RUNDC3B: variants seen among roughly 807,000 people sequenced by gnomAD.
RUNDC3B encodes the protein RUN domain containing 3B.
RUNDC3B carries 33 observed loss-of-function variants against 58.4 expected under a neutral mutation model. That is an observed-to-expected ratio of 0.56 (90% CI 0.43 to 0.75). RUNDC3B has a LOEUF of 0.75. RUNDC3B is among the 30% of genes least tolerant of loss of function. The probability of loss-of-function intolerance (pLI) is 0.00; values close to 1 mark genes in which losing one functional copy is unlikely to be tolerated. For synonymous variants in RUNDC3B, 193 were observed against 195.2 expected, an observed-to-expected ratio of 0.99 and a Z score of 0.10; for missense variants, 501 against 535.7, an observed-to-expected ratio of 0.94 and a Z score of 0.64.
At chr7:87,827,359 C>T (rs1204595798) in intron 10 of RUNDC3B, among the ~76,000 whole-genome samples, 3 of 151,792 alleles carry the variant, frequency 2.0e-5, no homozygotes, top group African/African-American at 2.4e-5. Context: ...CGGTGGTGGG[C>T]CCCTGTAATC....
chr7:87,657,892 GC>G (rs966940172), intron 2 of RUNDC3B, among the ~76,000 whole-genome samples: 1 of 152,032 alleles, frequency 6.6e-6, no homozygotes, highest in African/African-American at 2.4e-5. Context: ...ATGAAGCAAT[GC>G]CCCCCTCCCA....
At chr7:87,780,693 G>T (rs1012684525) in intron 8 of RUNDC3B, among the ~76,000 whole-genome samples, 1 of 151,946 alleles carries the variant, frequency 6.6e-6, no homozygotes, top group Non-Finnish European at 1.5e-5. Flanking sequence ...ACATTATTCT[G>T]CATATGGCTA....
intron 8 of RUNDC3B, among the ~76,000 whole-genome samples, chr7:87,800,567 A>G (rs1226132590): frequency 6.6e-6 from 1 of 151,996 alleles, no homozygotes; most frequent in Admixed American, 6.6e-5. Context: ...AGGAACCACC[A>G]TGCAGTTTTC....
intron 4 of RUNDC3B, among the ~76,000 whole-genome samples, chr7:87,728,784 A>G (rs775178716): frequency 1.1e-4 from 17 of 152,164 alleles, no homozygotes; most frequent in South Asian, 2.1e-4. Context: ...GCTACCTACT[A>G]CATCTTTTCT....
chr7:87,804,262 A>G (rs1488477467), intron 8 of RUNDC3B, among the ~76,000 whole-genome samples: 2 of 152,172 alleles, frequency 1.3e-5, no homozygotes, highest in African/African-American at 2.4e-5. Flanking sequence ...CTTTCAGTGT[A>G]TAAGTAAACT....
chr7:87,671,629 G>C (rs1341327004), intron 2 of RUNDC3B, among the ~76,000 whole-genome samples: 3 of 152,118 alleles, frequency 2.0e-5, no homozygotes, highest in Non-Finnish European at 1.5e-5. Context: ...CAGGCCTGTT[G>C]CTGGCCCAAA....
chr7:87,766,358 TG>T (rs1436763244), intron 6 of RUNDC3B, among the ~76,000 whole-genome samples: 3 of 152,170 alleles, frequency 2.0e-5, no homozygotes, highest in Admixed American at 2.0e-4. Flanking sequence ...TTTGGACGTA[TG>T]TATGCATTTA....
At chr7:87,652,690 T>C (rs1046910618) in intron 2 of RUNDC3B, among the ~76,000 whole-genome samples, 1 of 148,898 alleles carries the variant, frequency 6.7e-6, no homozygotes, top group African/African-American at 2.5e-5. Context: ...ATGAGGTATT[T>C]TAAAGATCCA....
chr7:87,811,402 C>A (rs1036463440), intron 9 of RUNDC3B, among the ~76,000 whole-genome samples: 1 of 151,478 alleles, frequency 6.6e-6, no homozygotes, highest in Non-Finnish European at 1.5e-5. Context: ...GGCACGATCT[C>A]GGCTCACCAC....
At chr7:87,814,343 G>T (rs575496304) in intron 9 of RUNDC3B, among the ~76,000 whole-genome samples, 1 of 151,772 alleles carries the variant, frequency 6.6e-6, no homozygotes, top group Non-Finnish European at 1.5e-5. Flanking sequence ...CAGGTGATCC[G>T]CCCGCCTTGG....
chr7:87,825,141 G>A (rs1025856769), intron 10 of RUNDC3B, among the ~76,000 whole-genome samples: 1 of 152,040 alleles, frequency 6.6e-6, no homozygotes, highest in Non-Finnish European at 1.5e-5. Context: ...AGAAAGGCGT[G>A]AACCTGGGAG....
chr7:87,741,424 A>C (rs369662873), intron 5 of RUNDC3B, 75 bp from the exon 6 acceptor site: 1 of 848,524 alleles, frequency 1.2e-6, no homozygotes, highest in African/African-American at 1.8e-5. Flanking sequence ...CTCTGGCAAG[A>C]GATTTTTCAT....
At chr7:87,641,438 T>C (rs1822442512) in intron 1 of RUNDC3B, among the ~76,000 whole-genome samples, 1 of 152,190 alleles carries the variant, frequency 6.6e-6, no homozygotes, top group South Asian at 2.1e-4. Flanking sequence ...ATGGTTAGTC[T>C]TGAACAACCT....
At chr7:87,659,798 T>G (rs1379094001) in intron 2 of RUNDC3B, among the ~76,000 whole-genome samples, 3 of 152,176 alleles carry the variant, frequency 2.0e-5, no homozygotes, top group African/African-American at 7.2e-5. Flanking sequence ...TTAATGTTTG[T>G]TTTCATAAAA....
At chr7:87,700,710 A>C in intron 3 of RUNDC3B, 156 bp downstream of exon 3, 1 of 648,232 alleles carries the variant, frequency 1.5e-6, no homozygotes, top group East Asian at 2.8e-5. Flanking sequence ...TTCTTGAATT[A>C]TCTAAACTAG....
chr7:87,769,018 T>C (rs1321797396), intron 6 of RUNDC3B, among the ~76,000 whole-genome samples: 1 of 152,188 alleles, frequency 6.6e-6, no homozygotes, highest in East Asian at 1.9e-4. Flanking sequence ...ACTCCTTTTT[T>C]TTGAGACGGA....
chr7:87,725,336 C>T (rs1334506769), intron 4 of RUNDC3B, among the ~76,000 whole-genome samples: 12 of 152,038 alleles, frequency 7.9e-5, no homozygotes, highest in African/African-American at 2.2e-4. Flanking sequence ...TGAGAACATG[C>T]GGTGTTTGGT....
At chr7:87,735,253 T>A (rs1831857891) in intron 4 of RUNDC3B, among the ~76,000 whole-genome samples, 1 of 152,204 alleles carries the variant, frequency 6.6e-6, no homozygotes. Context: ...GTCTTATTGA[T>A]CCTACCTCCA....
Position 87,816,137 on chromosome 7 carries a change from A to G in RUNDC3B, c.1104-4A>G. The stretch of plus-strand genomic sequence containing the variant: ...TCAAGTAGTATTTCATCCTTGCTTT[A>G]CAGGAAAAGTTATCAAAGTCTTGAC... On this transcript the variant is annotated splice_polypyrimidine_tract_variant and splice_region_variant and intron_variant, in intron 9 of 10. Transcript: ENST00000394654. 6.3e-7 allele frequency: 1 copy of G among 1,595,724 alleles called. No homozygotes were observed. Among genetic ancestry groups the G allele is most frequent in the South Asian group, 1.1e-5 (1 of 88,756 alleles).
Sources: allele counts gnomAD v4.1 joint callset (sites outside exome capture counted in the v4.1 genomes callset), GRCh38; gene constraint gnomAD v4.1.1; transcripts MANE v1.5; gene names NCBI Gene and HGNC (gene_info 2026-07-23, HGNC 2026-07-21).